Variants in AKAP19 observed in about 807,000 individuals in gnomAD.
AKAP19 encodes the protein small A-kinase anchoring protein.
the AKAP19 span, among the ~76,000 whole-genome samples, chr2:189,976,269 G>A: frequency 5.6e-4 from 86 of 152,284 alleles, no homozygotes; most frequent in Middle Eastern, 3.4e-3. Flanking sequence ...CCTGAGTATC[G>A]GCAGCAGAGG....
At chr2:190,092,727 A>C in the AKAP19 span, among the ~76,000 whole-genome samples, 1 of 152,218 alleles carries the variant, frequency 6.6e-6, no homozygotes, top group Non-Finnish European at 1.5e-5. Context: ...AGAAGTATTC[A>C]AAAGTTCCTG....
At chr2:190,073,927 T>C in the AKAP19 span, among the ~76,000 whole-genome samples, 1 of 151,868 alleles carries the variant, frequency 6.6e-6, no homozygotes, top group African/African-American at 2.4e-5. Flanking sequence ...GAGACGTGCC[T>C]GTAGTCCCAG....
At chr2:190,146,947 G>T in the AKAP19 span, among the ~76,000 whole-genome samples, 40 of 152,098 alleles carry the variant, frequency 2.6e-4, no homozygotes, top group Non-Finnish European at 4.4e-4. Flanking sequence ...CCACTTTGTG[G>T]GTTCTCTGTT....
chr2:189,993,889 T>A, the AKAP19 span, among the ~76,000 whole-genome samples: 5 of 152,142 alleles, frequency 3.3e-5, no homozygotes, highest in Middle Eastern at 3.2e-3. Context: ...TTATTTTGGA[T>A]CTTCTCTCTT....
chr2:190,180,364 C>G, the AKAP19 span: 1 of 691,392 alleles, frequency 1.4e-6, no homozygotes, highest in Non-Finnish European at 1.8e-6. This position sits in a 1 kb window ranked among gnomAD's most constrained non-coding sequence, Gnocchi z 6.8. Flanking sequence ...GCAGGCCCCG[C>G]GGGGGAGAGG....
the AKAP19 span, among the ~76,000 whole-genome samples, chr2:190,004,963 A>T: frequency 6.6e-6 from 1 of 152,188 alleles, no homozygotes; most frequent in Non-Finnish European, 1.5e-5. Context: ...CACTTAGTTC[A>T]ACAATTAAGC....
chr2:190,192,452 C>CTGTGTGTGTGTGTG, the AKAP19 span, among the ~76,000 whole-genome samples: 597 of 145,338 alleles, frequency 4.1e-3, 3 homozygotes, highest in African/African-American at 0.012. Flanking sequence ...AATTCAGAAT[C>CTGTGTGTGTGTGTG]TGTGTGTGTG....
the AKAP19 span, among the ~76,000 whole-genome samples, chr2:190,096,299 G>C: frequency 1.3e-5 from 2 of 152,112 alleles, no homozygotes; most frequent in African/African-American, 4.8e-5. Flanking sequence ...TAGCCATGTT[G>C]GTACATTACA....
the AKAP19 span, among the ~76,000 whole-genome samples, chr2:189,910,879 A>G: frequency 1.3e-5 from 2 of 152,030 alleles, no homozygotes; most frequent in Non-Finnish European, 2.9e-5. Flanking sequence ...ACTTAAGCCA[A>G]ACCTCAGTAT....
At chr2:190,166,660 A>G in the AKAP19 span, among the ~76,000 whole-genome samples, 2 of 152,186 alleles carry the variant, frequency 1.3e-5, no homozygotes, top group Non-Finnish European at 2.9e-5. Flanking sequence ...ATCAAAGTAG[A>G]GAAACCATTT....
chr2:190,063,245 A>C, the AKAP19 span, among the ~76,000 whole-genome samples: 1 of 152,166 alleles, frequency 6.6e-6, no homozygotes, highest in African/African-American at 2.4e-5. Context: ...ATACTAGTTG[A>C]GAATTTTCAT....
chr2:189,988,097 G>C, the AKAP19 span, among the ~76,000 whole-genome samples: 1 of 152,132 alleles, frequency 6.6e-6, no homozygotes. Context: ...TGCTGAGTCA[G>C]TTCCTGGGTG....
the AKAP19 span, chr2:190,200,482 G>C: frequency 4.8e-6 from 1 of 208,728 alleles, no homozygotes; most frequent in Non-Finnish European, 1.1e-5. Flanking sequence ...AATTCCAATG[G>C]TTGAAGTTTA....
chr2:190,129,664 G>A, the AKAP19 span, among the ~76,000 whole-genome samples: 1,533 of 152,126 alleles, frequency 0.01, 23 homozygotes, highest in African/African-American at 0.035. Context: ...GAAAACAGAG[G>A]CAATAATATT....
the AKAP19 span, among the ~76,000 whole-genome samples, chr2:190,023,165 TTAC>T: frequency 9.9e-5 from 15 of 152,208 alleles, no homozygotes; most frequent in Non-Finnish European, 1.9e-4. Context: ...TCAAATGTGA[TTAC>T]TACTTTTTTA....
At chr2:189,949,147 A>G in the AKAP19 span, among the ~76,000 whole-genome samples, 1 of 152,176 alleles carries the variant, frequency 6.6e-6, no homozygotes, top group Non-Finnish European at 1.5e-5. Context: ...AACCAAGTAT[A>G]CAAAAAGCCG....
the AKAP19 span, among the ~76,000 whole-genome samples, chr2:190,126,148 G>A: frequency 1.4e-4 from 21 of 151,114 alleles, 1 homozygote; most frequent in East Asian, 3.5e-3. Flanking sequence ...AAAATTAGCC[G>A]GGCGTGGTGG....
At chr2:189,924,962 G>A in the AKAP19 span, among the ~76,000 whole-genome samples, 1 of 152,132 alleles carries the variant, frequency 6.6e-6, no homozygotes, top group African/African-American at 2.4e-5. Context: ...TGAGCTCAAT[G>A]TTAGTGAATG....
At chr2:190,099,475 G>T in the AKAP19 span, among the ~76,000 whole-genome samples, 4 of 152,056 alleles carry the variant, frequency 2.6e-5, no homozygotes, top group Non-Finnish European at 5.9e-5. Flanking sequence ...GGTTCAAGGT[G>T]CCCCAAAACA....
Sources: gnomAD v4.1 joint callset for allele counts (sites outside exome capture counted in the v4.1 genomes callset) on GRCh38, gnomAD v4.1.1 for gene constraint, Gnocchi (gnomAD v3.1) non-coding constraint, MANE v1.5 for transcripts, NCBI Gene and HGNC (gene_info 2026-07-23, HGNC 2026-07-21) for gene names.